Variants in PEAK1 observed in about 807,000 individuals in gnomAD.
The protein encoded by PEAK1 is inactive tyrosine-protein kinase PEAK1.
A neutral mutation model predicts 124.7 loss-of-function variants in PEAK1; 54 were observed. That is an observed-to-expected ratio of 0.43 (90% confidence interval 0.35 to 0.54). The LOEUF is 0.54. Ranked by LOEUF, PEAK1 falls within the 20% of genes least tolerant of loss-of-function variation. The pLI is 0.01. For missense variants in PEAK1, 2,046 were observed against 2,134.5 expected, an observed-to-expected ratio of 0.96 and a Z score of 0.82; for synonymous variants, 719 against 760.0, an observed-to-expected ratio of 0.95 and a Z score of 0.89.
At position 77,179,616 on chromosome 15, in the gene PEAK1, C is replaced by T. The variant is rs199561461; in HGVS notation, c.2311G>A (p.Val771Met). The T allele has an allele frequency of 6.5e-5, 105 of 1,614,110 alleles. No individual in the cohort carries two copies. In the African/African-American group the frequency reaches 1.3e-3, roughly 20 times the overall value. The change falls in exon 7 of 10, where the codon GTG becomes ATG. Residue 771 changes from valine (V) to methionine (M), a missense_variant. Val to Met is a conservative substitution (Grantham distance 21). Coordinates refer to ENST00000682557, the MANE Select transcript of PEAK1 (RefSeq NM_001385026.1). ...EKASTVLSQI[V>M]ASIQPPQSPP... ...GACTGTGGGGGTTGGATTGAAGCCA[C>T]AATCTGAGAAAGCACTGTGCTTGCT... is the stretch of plus-strand genomic sequence containing the variant.
chr15:77,282,351 C>G lies in PEAK1; in HGVS notation c.-275+1532G>C, dbSNP rs901230511. 3.9e-4 allele frequency among the ~76,000 whole-genome samples: 59 copies of G among 151,996 alleles called. 2 individuals are homozygous for G. The highest frequency in any genetic ancestry group is 3.8e-3 in the Admixed American group (58 of 15,258). On this transcript the variant is annotated intron_variant, in intron 5 of 9. Coordinates refer to ENST00000682557, the MANE Select transcript of PEAK1 (RefSeq NM_001385026.1). ...TACATTAAAACTAAATAATCAATGG[C>G]TAGGAAAAACACTTAATTTAATGCT...
chr15:77,190,566 C>T (rs2057782625), intron 6 of PEAK1, among the ~76,000 whole-genome samples: 1 of 152,170 alleles, frequency 6.6e-6, no homozygotes, highest in South Asian at 2.1e-4. Context: ...ATTAACTAAG[C>T]ACAGCAATAT....
intron 5 of PEAK1, among the ~76,000 whole-genome samples, chr15:77,266,523 A>T (rs1448853189): frequency 1.3e-5 from 2 of 152,192 alleles, no homozygotes; most frequent in Non-Finnish European, 2.9e-5. Context: ...GCCAAAACAG[A>T]AGACTTAAAT....
intron 6 of PEAK1, among the ~76,000 whole-genome samples, chr15:77,241,632 C>A (rs1049387186): frequency 6.6e-6 from 1 of 151,790 alleles, no homozygotes; most frequent in Non-Finnish European, 1.5e-5. Context: ...TTGCAGGATA[C>A]ATGGTCAACA....
At chr15:77,372,783 T>A (rs913788158) in intron 1 of PEAK1, among the ~76,000 whole-genome samples, 15 of 152,120 alleles carry the variant, frequency 9.9e-5, no homozygotes. Context: ...TTTCTAATGG[T>A]TTAGCACCAT....
At chr15:77,105,946 G>A (rs1034675638), downstream of PEAK1, 1 of 152,290 alleles carries the variant, frequency 6.6e-6, no homozygotes, top group Non-Finnish European at 1.5e-5. Flanking sequence ...GCTGGGTGAT[G>A]TGATGGGGAA....
At chr15:77,405,196 G>C (rs1334838333) in intron 1 of PEAK1, among the ~76,000 whole-genome samples, 1 of 151,936 alleles carries the variant, frequency 6.6e-6, no homozygotes, top group African/African-American at 2.4e-5. Context: ...AGTAGGGATG[G>C]GGTTTCATCA....
intron 1 of PEAK1, among the ~76,000 whole-genome samples, chr15:77,407,866 C>T (rs910688697): frequency 2.1e-4 from 31 of 149,486 alleles, no homozygotes; most frequent in Non-Finnish European, 3.4e-4. Flanking sequence ...CTCAAATGCC[C>T]GAGTAGATAA....
intron 5 of PEAK1, among the ~76,000 whole-genome samples, chr15:77,267,832 ACT>A (rs577599563): frequency 1.3e-5 from 2 of 152,040 alleles, no homozygotes; most frequent in Admixed American, 1.3e-4. Context: ...AATCACACTA[ACT>A]CACCAGCAAT....
rs530505973 is a variant in PEAK1, at chr15:77,348,668, T to C, written c.-603+16495A>G. The stretch of plus-strand genomic sequence containing the variant: ...GAGCACTTTCATGTATAAGATCCAA[T>C]TGATGTCCATGATAAAATAGTTAAT... On this transcript the variant is annotated intron_variant, in intron 2 of 9. Coordinates refer to ENST00000682557, the MANE Select transcript of PEAK1 (RefSeq NM_001385026.1). 3.7e-5 allele frequency: 36 copies of C among 985,372 alleles called. No individual in the cohort carries two copies. In the East Asian group the frequency reaches 1.7e-3, roughly 47 times the overall value. 61.0% of individuals were successfully genotyped at this position (985,372 alleles called of 1,614,324 possible). A position where few individuals can be genotyped will look rare whatever the true frequency, so the allele number is the denominator to read the frequency against.
chr15:77,158,474 A>G, intron 8 of PEAK1, 29 bp downstream of exon 8: 5 of 1,597,774 alleles, frequency 3.1e-6, no homozygotes, highest in Non-Finnish European at 4.3e-6. Flanking sequence ...GCAAAGTTTA[A>G]ATACTACTTA....
At chr15:77,154,158 T>G (rs2054910269) in intron 8 of PEAK1, among the ~76,000 whole-genome samples, 1 of 152,340 alleles carries the variant, frequency 6.6e-6, no homozygotes, top group East Asian at 1.9e-4. Flanking sequence ...GCTTTATGAA[T>G]CTGGGTGCTC....
intron 7 of PEAK1, among the ~76,000 whole-genome samples, chr15:77,166,461 TA>T (rs757722847): frequency 1.3e-5 from 2 of 152,222 alleles, no homozygotes; most frequent in African/African-American, 2.4e-5. Flanking sequence ...ATGGCAGGAT[TA>T]TAACAGCGCT....
intron 5 of PEAK1, among the ~76,000 whole-genome samples, chr15:77,256,709 T>A (rs962813662): frequency 2.0e-4 from 30 of 152,140 alleles, no homozygotes; most frequent in African/African-American, 7.0e-4. Flanking sequence ...ATATATTGTC[T>A]ATGGCTAATT....
intron 5 of PEAK1, among the ~76,000 whole-genome samples, chr15:77,266,251 A>G (rs2061724190): frequency 6.6e-6 from 1 of 152,136 alleles, no homozygotes; most frequent in Non-Finnish European, 1.5e-5. Context: ...TTAAAGTATA[A>G]TAATAAAAAA....
At chr15:77,244,898 A>G (rs2060512273) in intron 6 of PEAK1, among the ~76,000 whole-genome samples, 1 of 152,138 alleles carries the variant, frequency 6.6e-6, no homozygotes, top group Admixed American at 6.6e-5. Context: ...ACACCCTCCC[A>G]ATCTAACAAA....
rs370406288 is a variant in PEAK1 at position 77,273,070 on chromosome 15, G to C, written c.-275+10813C>G. 5.1e-4 allele frequency among the ~76,000 whole-genome samples: 78 copies of C among 152,180 alleles called. No individual in the cohort carries two copies. In the South Asian group the frequency reaches 8.9e-3, roughly 17 times the overall value. ...TTGACAAAATCCAGCATCCCTTTAT[G>C]TATGATTAAAACCCTCAGCAAAATT... On this transcript the variant is annotated intron_variant, in intron 5 of 9. Coordinates refer to ENST00000682557, the MANE Select transcript of PEAK1 (RefSeq NM_001385026.1).
intron 2 of PEAK1, chr15:77,347,859 A>T (rs2066962653): frequency 1.0e-6 from 1 of 984,628 alleles, no homozygotes; most frequent in Admixed American, 6.2e-5. Context: ...AACATTAAAC[A>T]ATGCTACATT....
intron 5 of PEAK1, among the ~76,000 whole-genome samples, chr15:77,258,819 T>C (rs991481713): frequency 2.0e-5 from 3 of 152,302 alleles, no homozygotes; most frequent in Non-Finnish European, 4.4e-5. Context: ...TCAAAGGGAA[T>C]GTTTCCAGTT....
Sources: gnomAD v4.1 joint callset for allele counts (sites outside exome capture counted in the v4.1 genomes callset) on GRCh38, gnomAD v4.1.1 for gene constraint, MANE v1.5 for transcripts, NCBI Gene and HGNC (gene_info 2026-07-23, HGNC 2026-07-21) for gene names.